The following TDRP variants were observed in gnomAD, a reference collection of about 807,000 sequenced individuals.
The protein encoded by TDRP is testis development related protein.
Under a neutral mutation model 10.5 loss-of-function variants are expected in TDRP, and 12 were observed. The ratio of observed to expected loss-of-function variants is 1.15; its 90% CI spans 0.73 to 1.86. The LOEUF is 1.86. Ranked by LOEUF, TDRP falls within the 40% of genes most tolerant of loss-of-function variation. The pLI is 0.00. For missense variants in TDRP, 353 were observed against 229.2 expected (o/e 1.54, Z -3.49); for synonymous variants, 139 against 95.4 (o/e 1.46, Z -2.67).
In TDRP at chr8:492,567, G is replaced by C; in HGVS notation, c.390C>G (p.His130Gln). 1 of 1,613,346 alleles carries C rather than the reference G, an allele frequency of 6.2e-7. No individual in the cohort carries two copies. Among genetic ancestry groups the C allele is most frequent in the Non-Finnish European group, 8.5e-7 (1 of 1,179,510 alleles). The change falls in exon 3 of 3, where the codon CAC becomes CAG. Residue 130 changes from histidine to glutamine, a missense_variant. Transcript: ENST00000324079. ...CATCCTCCCAGCCTGACCAGGATGG[G>C]TGGCCACCCACGGTGTCCTCAGGGT... Reference protein sequence around the residue: ...SADPEDTVGGHPSWSGWEDDA... With the variant: ...SADPEDTVGGQPSWSGWEDDA...
At chr8:504,533 C>G (rs1280157329) in intron 1 of TDRP, among the ~76,000 whole-genome samples, 1 of 152,114 alleles carries the variant, frequency 6.6e-6, no homozygotes, top group Non-Finnish European at 1.5e-5. Context: ...GCAGAATGTT[C>G]AAAGAGGCAG....
intron 1 of TDRP, among the ~76,000 whole-genome samples, chr8:527,680 T>C (rs1235493958): frequency 1.3e-5 from 2 of 152,036 alleles, no homozygotes; most frequent in African/African-American, 4.8e-5. Context: ...CAATAAATGG[T>C]TCTGGGAAAA....
chr8:529,579 G>T (rs35191904), intron 1 of TDRP, among the ~76,000 whole-genome samples: 1 of 119,670 alleles, frequency 8.4e-6, no homozygotes, highest in South Asian at 2.7e-4. Flanking sequence ...CTTTGGCTTT[G>T]GTTATCTGGG....
chr8:543,253 T>C (rs1317890658), intron 1 of TDRP, among the ~76,000 whole-genome samples: 4 of 151,796 alleles, frequency 2.6e-5, no homozygotes, highest in Admixed American at 1.3e-4. Context: ...GTTGAGGCCG[T>C]AGTGAGCCGA....
chr8:514,276 G>C (rs563470571), intron 1 of TDRP, among the ~76,000 whole-genome samples: 1 of 152,192 alleles, frequency 6.6e-6, no homozygotes, highest in African/African-American at 2.4e-5. Context: ...GAATGGAAAA[G>C]AACTAAGCGT....
At chr8:505,424 C>G (rs923492960) in intron 1 of TDRP, among the ~76,000 whole-genome samples, 2 of 152,204 alleles carry the variant, frequency 1.3e-5, no homozygotes, top group Non-Finnish European at 2.9e-5. Context: ...TGTAAAATTT[C>G]TCTTCTGTTT....
intron 1 of TDRP, among the ~76,000 whole-genome samples, chr8:532,984 C>T (rs1802246811): frequency 6.6e-6 from 1 of 152,134 alleles, no homozygotes; most frequent in Non-Finnish European, 1.5e-5. Context: ...TGCTCTAGAG[C>T]CCTTACTTAA....
rs571884904 is a variant in TDRP at position 508,763 on chromosome 8, A to G, written c.109-14166T>C. Among the ~76,000 whole-genome samples the G allele has an allele frequency of 2.6e-5, 4 of 152,302 alleles. No homozygotes were observed. The South Asian group carries it at 8.3e-4, about 32-fold the overall frequency. On this transcript the variant is annotated intron_variant, in intron 1 of 2. Coordinates refer to ENST00000324079, the MANE Select transcript of TDRP (RefSeq NM_001384899.1). ...CAAGACACAATTATGCCTTCTCAAC[A>G]GTTCCCCAAAGTCTTAATTCATTTC...
At chr8:527,626 T>C (rs1802067521) in intron 1 of TDRP, among the ~76,000 whole-genome samples, 1 of 152,078 alleles carries the variant, frequency 6.6e-6, no homozygotes, top group Non-Finnish European at 1.5e-5. Flanking sequence ...AGTCATTTTT[T>C]ACAAAGATAC....
chr8:537,151 G>A (rs1307234603), intron 1 of TDRP, among the ~76,000 whole-genome samples: 1 of 152,184 alleles, frequency 6.6e-6, no homozygotes, highest in Non-Finnish European at 1.5e-5. Flanking sequence ...ACTCCTCTCA[G>A]GGGCACTGCT....
At chr8:529,649 G>C (rs1370114344) in intron 1 of TDRP, among the ~76,000 whole-genome samples, 1 of 152,136 alleles carries the variant, frequency 6.6e-6, no homozygotes, top group Non-Finnish European at 1.5e-5. Flanking sequence ...TTCTTGGCTG[G>C]CTGGGTGTAT....
At chr8:544,582 C>G in intron 1 of TDRP, 68 bp downstream of exon 1, 1 of 1,086,834 alleles carries the variant, frequency 9.2e-7, no homozygotes, top group Non-Finnish European at 1.2e-6. Flanking sequence ...ACCTGCGCGC[C>G]GCCCACCCTC....
intron 1 of TDRP, among the ~76,000 whole-genome samples, chr8:532,942 CCCTT>C: frequency 6.6e-6 from 1 of 152,276 alleles, no homozygotes; most frequent in East Asian, 1.9e-4. Context: ...CAGTTACTAT[CCCTT>C]CCTTTACAGT....
intron 1 of TDRP, among the ~76,000 whole-genome samples, chr8:526,252 C>T (rs917296233): frequency 6.6e-6 from 1 of 152,108 alleles, no homozygotes; most frequent in Admixed American, 6.5e-5. Flanking sequence ...CCCATCTCAG[C>T]CTATCAAAGT....
chr8:542,389 C>T (rs1238594722), intron 1 of TDRP, among the ~76,000 whole-genome samples: 2 of 151,772 alleles, frequency 1.3e-5, no homozygotes, highest in Admixed American at 6.6e-5. Context: ...ACCATGAGCC[C>T]GTGTAGGTCC....
chr8:493,000 A>G (rs192768483), intron 2 of TDRP, among the ~76,000 whole-genome samples: 79 of 152,350 alleles, frequency 5.2e-4, no homozygotes, highest in Middle Eastern at 3.4e-3. Flanking sequence ...ACAAGAAAGA[A>G]GTATTATCAC....
At chr8:512,303 C>A (rs1288778556) in intron 1 of TDRP, among the ~76,000 whole-genome samples, 1 of 151,622 alleles carries the variant, frequency 6.6e-6, no homozygotes, top group Non-Finnish European at 1.5e-5. Flanking sequence ...CATGGTGGCA[C>A]ACACCTGTAG....
intron 1 of TDRP, among the ~76,000 whole-genome samples, chr8:530,524 G>T (rs944094862): frequency 3.3e-5 from 5 of 152,132 alleles, no homozygotes; most frequent in African/African-American, 1.2e-4. Context: ...AATCAGCTCA[G>T]CTAGAGATTC....
chr8:540,330 A>T (rs1802458869), intron 1 of TDRP, among the ~76,000 whole-genome samples: 1 of 152,218 alleles, frequency 6.6e-6, no homozygotes, highest in Non-Finnish European at 1.5e-5. Context: ...ACATATTATG[A>T]AGGGAACTCA....
Sources: allele counts gnomAD v4.1 joint callset (sites outside exome capture counted in the v4.1 genomes callset), GRCh38; gene constraint gnomAD v4.1.1; transcripts MANE v1.5; gene names NCBI Gene and HGNC (gene_info 2026-07-23, HGNC 2026-07-21).